Variants in ZHX1 observed in about 807,000 individuals in gnomAD.
The protein encoded by ZHX1 is zinc fingers and homeoboxes 1, also known as zinc fingers and homeoboxes protein 1.
ZHX1 carries 20 observed loss-of-function variants against 61.8 expected under a neutral mutation model. The ratio of observed to expected loss-of-function variants is 0.32; its 90% CI spans 0.23 to 0.47. The LOEUF (loss-of-function observed/expected upper bound fraction) is 0.47. Among genes scored for constraint, ZHX1 ranks in the 20% least tolerant of loss-of-function variants. ZHX1 has a pLI of 1.00. For missense variants in ZHX1, 800 were observed against 1,034.8 expected (o/e 0.77, Z 3.11); for synonymous variants, 318 against 352.6 (o/e 0.90, Z 1.10).
At chr8:123,265,688 T>C (rs1826433161) in intron 2 of ZHX1, among the ~76,000 whole-genome samples, 1 of 152,202 alleles carries the variant, frequency 6.6e-6, no homozygotes, top group Non-Finnish European at 1.5e-5. Flanking sequence ...TTTTTAAAGA[T>C]TGCTGGTAAC....
At position 123,255,425 on chromosome 8, in the gene ZHX1, C is replaced by T. The variant is rs761811742; in HGVS notation, c.522G>A (p.Ser174=). 1.9e-6 allele frequency: 3 copies of T among 1,613,222 alleles called. No homozygotes were observed. The highest frequency in any genetic ancestry group is 2.2e-5 in the East Asian group (1 of 44,862). The change falls in exon 3 of 4, where the codon TCG becomes TCA. Residue 174 remains serine, a synonymous_variant. Transcript: ENST00000395571. ...TAGGAGTTTTACTGATAGATATTCC[C>T]GAAGAAGAAACTTCTGTAGATTCTG... ...EQAESTEVSS[S]GISISKTPIM...
At chr8:123,266,334 A>G (rs1826455480) in intron 2 of ZHX1, among the ~76,000 whole-genome samples, 2 of 152,194 alleles carry the variant, frequency 1.3e-5, no homozygotes, top group Non-Finnish European at 2.9e-5. Flanking sequence ...TCTGGTCATT[A>G]TCTTCCCTAT....
intron 3 of ZHX1, among the ~76,000 whole-genome samples, chr8:123,250,551 T>A (rs979091230): frequency 3.9e-5 from 6 of 152,206 alleles, no homozygotes; most frequent in Non-Finnish European, 8.8e-5. Context: ...ATAATTTATT[T>A]CAAACTGTAT....
At chr8:123,271,349 G>T (rs1586835387) in intron 1 of ZHX1, among the ~76,000 whole-genome samples, 2 of 152,154 alleles carry the variant, frequency 1.3e-5, no homozygotes, top group East Asian at 3.8e-4. Context: ...TAAAAAATGT[G>T]TATTACTGGC....
At chr8:123,268,861 A>T (rs768999958) in intron 1 of ZHX1, among the ~76,000 whole-genome samples, 1 of 152,200 alleles carries the variant, frequency 6.6e-6, no homozygotes, top group Non-Finnish European at 1.5e-5. Flanking sequence ...TATTTTCCCA[A>T]TTAACCTTAT....
At chr8:123,266,699 C>G (rs543719673) in intron 2 of ZHX1, among the ~76,000 whole-genome samples, 1 of 152,138 alleles carries the variant, frequency 6.6e-6, no homozygotes, top group Non-Finnish European at 1.5e-5. Context: ...ACATTTCACA[C>G]ATAAGCATGA....
Position 123,254,868 on chromosome 8 carries a change from A to G in ZHX1, c.1079T>C (p.Val360Ala). ...AGTTATGGTCTGAGGTACAGTATGC[A>G]CTGTTCCATTGAATTGTTTCCTTCT... ...EARRKQFNGT[V>A]HTVPQTITVI... Residue 360 changes from valine to alanine, a missense_variant, in exon 3 of 4, where the codon GTG becomes GCG. By Grantham distance (64) the Val-to-Ala change is moderately conservative. Transcript: ENST00000395571. This position sits in a 1 kb window ranked among gnomAD's most constrained non-coding sequence, Gnocchi z 4.1. 7 of 1,614,206 alleles carry G rather than the reference A, an allele frequency of 4.3e-6. No homozygotes were observed. The highest frequency in any genetic ancestry group is 5.9e-6 in the Non-Finnish European group (7 of 1,180,022).
Position 123,253,694 on chromosome 8 carries a change from C to T in ZHX1, c.2253G>A (p.Arg751=). The change falls in exon 3 of 4, where the codon CGG becomes CGA. Residue 751 remains arginine (R), a synonymous_variant. Transcript: ENST00000395571. ...RKRGRGRPKG[R]GRGRPRGRPR... ...GCCGCCCACGCGGTCTTCCTCTTCC[C>T]CGTCCTTTGGGTCTCCCTCTCCCTC... 1 of 1,614,226 alleles carries T rather than the reference C, an allele frequency of 6.2e-7. No individual in the cohort carries two copies. The highest frequency in any genetic ancestry group is 8.5e-7 in the Non-Finnish European group (1 of 1,180,034).
At chr8:123,273,207 T>C (rs917094146) in intron 1 of ZHX1, among the ~76,000 whole-genome samples, 3 of 152,194 alleles carry the variant, frequency 2.0e-5, no homozygotes, top group African/African-American at 7.2e-5. Flanking sequence ...TCCTTACAGT[T>C]ACCCACGGAG....
rs1826767779 is a variant in ZHX1, at chr8:123,274,265, T to G, written c.-388A>C. ...AGCGCCACGCCGCCGCCATCTTGCATTTCAAACCGGCTGCACTTTTCAGGG... is the reference window on the plus strand; with the variant it reads ...AGCGCCACGCCGCCGCCATCTTGCAGTTCAAACCGGCTGCACTTTTCAGGG... On this transcript the variant is annotated 5_prime_UTR_variant, in exon 1 of 4. The change abolishes an upstream ATG in the 5' untranslated region. Coordinates refer to ENST00000395571, the MANE Select transcript of ZHX1 (RefSeq NM_007222.5). 6.5e-6 allele frequency: 1 copy of G among 153,092 alleles called. No individual in the cohort carries two copies. The highest frequency in any genetic ancestry group is 2.1e-4 in the South Asian group (1 of 4,846). The allele number at this position is 153,092 out of a possible 1,614,324, so 9.5% of individuals were successfully genotyped here. A position where few individuals can be genotyped will look rare whatever the true frequency, so the allele number is the denominator to read the frequency against.
At chr8:123,269,117 C>T (rs982430898) in intron 1 of ZHX1, among the ~76,000 whole-genome samples, 2 of 152,110 alleles carry the variant, frequency 1.3e-5, no homozygotes, top group Admixed American at 1.3e-4. Flanking sequence ...TTCCGCCACT[C>T]GTTAGCCATC....
chr8:123,259,728 A>T (rs930718168), intron 2 of ZHX1, among the ~76,000 whole-genome samples: 2 of 152,190 alleles, frequency 1.3e-5, no homozygotes, highest in Non-Finnish European at 2.9e-5. Context: ...ATTGGGGTAT[A>T]ATAATAGTTG....
In ZHX1 at chr8:123,254,604, G is replaced by T. The variant is rs1185066303; in HGVS notation, c.1343C>A (p.Pro448Gln). Reference protein sequence around the residue: ...AETKPATAAVPTSQSVKHETA... With the variant: ...AETKPATAAVQTSQSVKHETA... ...TTCATGTTTGACACTTTGAGAAGTT[G>T]GAACTGCTGCTGTTGCTGGCTTTGT... is the stretch of plus-strand genomic sequence containing the variant. Residue 448 changes from proline (P) to glutamine (Q), a missense_variant, in exon 3 of 4, where the codon CCA becomes CAA. By Grantham distance (76) the Pro-to-Gln change is moderately conservative. Coordinates refer to ENST00000395571, the MANE Select transcript of ZHX1 (RefSeq NM_007222.5). This position sits in a 1 kb window ranked among gnomAD's most constrained non-coding sequence, Gnocchi z 4.1. The T allele has an allele frequency of 1.2e-6, 2 of 1,614,070 alleles. No homozygotes were observed. Among genetic ancestry groups the T allele is most frequent in the African/African-American group, 2.7e-5 (2 of 74,928 alleles).
At chr8:123,266,897 G>C (rs757999575) in intron 2 of ZHX1, among the ~76,000 whole-genome samples, 1 of 152,050 alleles carries the variant, frequency 6.6e-6, no homozygotes, top group Non-Finnish European at 1.5e-5. Context: ...CATTTTTCTG[G>C]ATATAGGCAA....
intron 2 of ZHX1, among the ~76,000 whole-genome samples, chr8:123,261,065 C>G (rs1352530331): frequency 6.6e-6 from 1 of 152,094 alleles, no homozygotes; most frequent in African/African-American, 2.4e-5. Flanking sequence ...GTCAGGTCCC[C>G]ATGATTTTGC....
intron 2 of ZHX1, among the ~76,000 whole-genome samples, chr8:123,259,935 G>A (rs541705901): frequency 6.6e-6 from 1 of 152,268 alleles, no homozygotes; most frequent in East Asian, 1.9e-4. Context: ...CGAGGCCAGT[G>A]GATCACAAGG....
Position 123,249,760 on chromosome 8 carries a change from T to G in ZHX1, c.*564A>C, listed in dbSNP as rs1379194404. ...ATATATAAATAGGCTGTTTTTACATTTGAAATTGTATAAGCCCATGCACAA... is the reference window on the plus strand; with the variant it reads ...ATATATAAATAGGCTGTTTTTACATGTGAAATTGTATAAGCCCATGCACAA... On this transcript the variant is annotated 3_prime_UTR_variant, in exon 4 of 4. Transcript: ENST00000395571. 6.6e-6 allele frequency: 1 copy of G among 152,278 alleles called. No homozygotes were observed. Among genetic ancestry groups the G allele is most frequent in the Non-Finnish European group, 1.5e-5 (1 of 67,992 alleles). The allele number at this position is 152,278 out of a possible 1,614,324, so 9.4% of individuals were successfully genotyped here. A position where few individuals can be genotyped will look rare whatever the true frequency, so the allele number is the denominator to read the frequency against.
chr8:123,265,719 AT>A (rs1452631658), intron 2 of ZHX1, among the ~76,000 whole-genome samples: 3 of 152,242 alleles, frequency 2.0e-5, no homozygotes, highest in African/African-American at 7.2e-5. Context: ...GACCTGAGAG[AT>A]AAGTCTCAAG....
chr8:123,250,126 C>T lies in ZHX1; in HGVS notation c.*198G>A, dbSNP rs1401491793. The T allele has an allele frequency of 2.5e-6, 1 of 395,250 alleles. No homozygotes were observed. The highest frequency in any genetic ancestry group is 5.0e-6 in the Non-Finnish European group (1 of 199,256). The allele number at this position is 395,250 out of a possible 1,614,324, so 24.5% of individuals were successfully genotyped here. A position where few individuals can be genotyped will look rare whatever the true frequency, so the allele number is the denominator to read the frequency against. On this transcript the variant is annotated 3_prime_UTR_variant, in exon 4 of 4. Transcript: ENST00000395571. ...TGTTTTTTAATTAGTGTTCTATTTA[C>T]ATTGCAGAACTTCCACCAACTGCAG...
Sources: allele counts gnomAD v4.1 joint callset (sites outside exome capture counted in the v4.1 genomes callset), GRCh38; gene constraint gnomAD v4.1.1; non-coding constraint Gnocchi (gnomAD v3.1); transcripts MANE v1.5; gene names NCBI Gene and HGNC (gene_info 2026-07-23, HGNC 2026-07-21).